Variants in PHKB observed in about 807,000 individuals in gnomAD.
PHKB encodes phosphorylase kinase regulatory subunit beta, also known as phosphorylase b kinase regulatory subunit beta.
Under a neutral mutation model 152.1 loss-of-function variants are expected in PHKB, and 122 were observed. The observed-to-expected ratio is 0.80, with a 90% CI of 0.69 to 0.93. PHKB has a LOEUF of 0.93. Among genes scored for constraint, PHKB ranks in the 40% least tolerant of loss-of-function variants. The pLI is 0.00. For missense variants in PHKB, 1,304 were observed against 1,328.4 expected (o/e 0.98, Z 0.29); for synonymous variants, 436 against 464.9 (o/e 0.94, Z 0.80).
At chr16:47,472,597 A>G (rs904138410) in intron 1 of PHKB, among the ~76,000 whole-genome samples, 3 of 152,136 alleles carry the variant, frequency 2.0e-5, no homozygotes, top group African/African-American at 7.2e-5. Flanking sequence ...TCTGGCTAAC[A>G]CAGTGAAACC....
At chr16:47,531,950 A>T (rs972871499) in intron 6 of PHKB, among the ~76,000 whole-genome samples, 3 of 152,240 alleles carry the variant, frequency 2.0e-5, no homozygotes, top group Non-Finnish European at 4.4e-5. Flanking sequence ...CTCATCAAAA[A>T]ACAACAATAA....
At chr16:47,597,991 A>G (rs1001398542) in intron 13 of PHKB, 2 of 152,142 alleles carry the variant, frequency 1.3e-5, no homozygotes. Flanking sequence ...AAGGTTTTCA[A>G]ATATAATATA....
chr16:47,604,292 A>G (rs988408473), intron 13 of PHKB, among the ~76,000 whole-genome samples: 16 of 152,272 alleles, frequency 1.1e-4, no homozygotes, highest in African/African-American at 2.6e-4. Flanking sequence ...TGCTTTTGCT[A>G]TATTTTCATG....
At chr16:47,525,984 C>A (rs1363795303) in intron 6 of PHKB, among the ~76,000 whole-genome samples, 1 of 152,108 alleles carries the variant, frequency 6.6e-6, no homozygotes, top group African/African-American at 2.4e-5. Flanking sequence ...GGATAGCTGG[C>A]CCTGGGGCAG....
intron 13 of PHKB, among the ~76,000 whole-genome samples, chr16:47,600,785 A>C (rs545349297): frequency 6.6e-6 from 1 of 152,364 alleles, no homozygotes; most frequent in South Asian, 2.1e-4. Context: ...CTATACATGA[A>C]GATACAGTAT....
Position 47,510,473 on chromosome 16 carries a change from G to A in PHKB, c.406-1192G>A, listed in dbSNP as rs1010692206. Among the ~76,000 whole-genome samples, 14 of 152,264 alleles carry A rather than the reference G, an allele frequency of 9.2e-5. No individual in the cohort carries two copies. In the East Asian group the frequency reaches 1.7e-3, roughly 19 times the overall value. Reference sequence around the variant, plus strand: ...TTGAAAGGGACTTATATGAACAAACGACATTCTTTTTGCCCCTGTTGCTCA... The same window carrying A: ...TTGAAAGGGACTTATATGAACAAACAACATTCTTTTTGCCCCTGTTGCTCA... On this transcript the variant is annotated intron_variant, in intron 4 of 30. Transcript: ENST00000323584.
At chr16:47,627,236 G>C (rs556717344) in intron 14 of PHKB, among the ~76,000 whole-genome samples, 1 of 152,172 alleles carries the variant, frequency 6.6e-6, no homozygotes, top group African/African-American at 2.4e-5. Flanking sequence ...CTCGTCATTT[G>C]TTCTTCCCCT....
chr16:47,535,402 G>C (rs1597063319), intron 6 of PHKB, among the ~76,000 whole-genome samples: 1 of 152,118 alleles, frequency 6.6e-6, no homozygotes, highest in East Asian at 1.9e-4. Context: ...TATAAACTCA[G>C]TATCTCCTTA....
intron 26 of PHKB, among the ~76,000 whole-genome samples, chr16:47,686,785 G>A (rs566407459): frequency 1.3e-5 from 2 of 152,170 alleles, no homozygotes; most frequent in East Asian, 3.9e-4. Context: ...GCAAATCCCA[G>A]ACATTTAACT....
chr16:47,641,133 G>A (rs1567337979), intron 15 of PHKB, 43 bp downstream of exon 15: 2 of 1,438,126 alleles, frequency 1.4e-6, no homozygotes, highest in Non-Finnish European at 2.0e-6. Context: ...GTGGGGAGGG[G>A]AGGGGAGGGG....
At chr16:47,657,999 G>A (rs1351692528) in intron 20 of PHKB, among the ~76,000 whole-genome samples, 2 of 152,114 alleles carry the variant, frequency 1.3e-5, no homozygotes, top group African/African-American at 2.4e-5. Flanking sequence ...GTCTGTTCAT[G>A]CTCTACCTGG....
intron 7 of PHKB, among the ~76,000 whole-genome samples, chr16:47,552,074 A>C (rs748678879): frequency 6.6e-6 from 1 of 151,174 alleles, no homozygotes; most frequent in Non-Finnish European, 1.5e-5. Flanking sequence ...CTTGGTAAAT[A>C]CTCCTCCATC....
intron 7 of PHKB, chr16:47,565,406 A>G (rs1971548075): frequency 8.4e-7 from 1 of 1,194,490 alleles, no homozygotes; most frequent in Admixed American, 1.7e-5. Flanking sequence ...ACTTGTAGGG[A>G]TTGCTGCTCT....
chr16:47,596,319 A>C, intron 12 of PHKB, 54 bp from the exon 13 acceptor site: 1 of 1,254,956 alleles, frequency 8.0e-7, no homozygotes, highest in South Asian at 1.2e-5. Flanking sequence ...GTAGCATGAG[A>C]ATGGACTAAT....
intron 1 of PHKB, among the ~76,000 whole-genome samples, chr16:47,469,985 A>C (rs572001065): frequency 2.6e-5 from 4 of 152,214 alleles, no homozygotes; most frequent in Non-Finnish European, 4.4e-5. Flanking sequence ...CAGCAGTGAC[A>C]ACTTTTTAAG....
chr16:47,569,851 G>A (rs528614641), intron 7 of PHKB, among the ~76,000 whole-genome samples: 1 of 152,254 alleles, frequency 6.6e-6, no homozygotes, highest in East Asian at 1.9e-4. Context: ...TTGAACTTCT[G>A]ACCTCAAGTG....
At chr16:47,675,519 ACT>A (rs397978170) in intron 26 of PHKB, 527 of 87,602 alleles carry the variant, frequency 6.0e-3, no homozygotes, top group Middle Eastern at 5.9e-3. Context: ...ACACACACAC[ACT>A]CTCTCTCTCT....
At chr16:47,603,971 A>G (rs983623660) in intron 13 of PHKB, among the ~76,000 whole-genome samples, 4 of 152,230 alleles carry the variant, frequency 2.6e-5, no homozygotes, top group African/African-American at 9.6e-5. Flanking sequence ...GCTCATGACT[A>G]GCAGAGTTTA....
chr16:47,643,955 G>T (rs752119537), intron 16 of PHKB, among the ~76,000 whole-genome samples: 29 of 152,132 alleles, frequency 1.9e-4, no homozygotes, highest in Non-Finnish European at 3.5e-4. Context: ...GGTCACTACT[G>T]TGTCTTTCGG....
Sources: allele counts gnomAD v4.1 joint callset (sites outside exome capture counted in the v4.1 genomes callset), GRCh38; gene constraint gnomAD v4.1.1; transcripts MANE v1.5; gene names NCBI Gene and HGNC (gene_info 2026-07-23, HGNC 2026-07-21).